The following SEMA5B variants were observed in gnomAD, a reference collection of about 807,000 sequenced individuals.
SEMA5B encodes the protein semaphorin-5B.
Under a neutral mutation model 135.0 loss-of-function variants are expected in SEMA5B, and 66 were observed. The observed-to-expected ratio is 0.49, with a 90% CI of 0.40 to 0.60. The LOEUF (loss-of-function observed/expected upper bound fraction) is 0.60, where lower values mean the gene tolerates loss of function less well. SEMA5B is among the 20% of genes least tolerant of loss of function. The probability of loss-of-function intolerance (pLI) is 0.00; values close to 1 mark genes in which losing one functional copy is unlikely to be tolerated. For synonymous variants in SEMA5B, 690 were observed against 639.5 expected (o/e 1.08, Z -1.19); for missense variants, 1,501 against 1,566.3 (o/e 0.96, Z 0.70).
At chr3:122,965,898 G>A (rs1226827940) in intron 1 of SEMA5B, among the ~76,000 whole-genome samples, 7 of 152,210 alleles carry the variant, frequency 4.6e-5, no homozygotes, top group Admixed American at 2.6e-4. Flanking sequence ...TGAGATGGGA[G>A]CTCTGAGGGA....
intron 1 of SEMA5B, among the ~76,000 whole-genome samples, chr3:122,968,679 G>C (rs1452408390): frequency 1.3e-5 from 2 of 152,174 alleles, no homozygotes; most frequent in African/African-American, 4.8e-5. Flanking sequence ...AGGTCATCCT[G>C]TCCATCCTCC....
intron 1 of SEMA5B, among the ~76,000 whole-genome samples, 182 bp from the exon 2 acceptor site, chr3:122,961,483 G>A (rs4677986): frequency 0.54 from 81,910 of 151,018 alleles, 22,931 homozygotes; most frequent in East Asian, 0.72. Context: ...TTTTTTAGGC[G>A]GGGTCTTGCT....
intron 9 of SEMA5B, among the ~76,000 whole-genome samples, chr3:122,925,496 A>G (rs1008438429): frequency 6.6e-6 from 1 of 151,826 alleles, no homozygotes; most frequent in Non-Finnish European, 1.5e-5. Context: ...GTGAAACCCC[A>G]TCTCTACTAA....
intron 1 of SEMA5B, among the ~76,000 whole-genome samples, chr3:122,967,209 CT>C (rs1940893732): frequency 6.6e-6 from 1 of 152,042 alleles, no homozygotes; most frequent in African/African-American, 2.4e-5. Flanking sequence ...TATAATAAGC[CT>C]TTAAATGTGA....
At chr3:122,914,656 G>A (rs1937966836) in intron 14 of SEMA5B, among the ~76,000 whole-genome samples, 1 of 152,224 alleles carries the variant, frequency 6.6e-6, no homozygotes, top group Non-Finnish European at 1.5e-5. Flanking sequence ...GTCCAAGGCT[G>A]GGTGTGGTGG....
At chr3:122,945,967 G>A (rs902765538) in intron 3 of SEMA5B, among the ~76,000 whole-genome samples, 1 of 152,066 alleles carries the variant, frequency 6.6e-6, no homozygotes, top group Non-Finnish European at 1.5e-5. Flanking sequence ...ATCCTAGGGG[G>A]GCCTTGGGAA....
rs763951830 is a variant in SEMA5B at position 122,913,266 on chromosome 3, C to T, written c.2439G>A (p.Gln813=). The T allele has an allele frequency of 2.9e-5, 46 of 1,585,328 alleles. No individual in the cohort carries two copies. The South Asian group carries it at 4.3e-4, about 15-fold the overall frequency. Residue 813 remains glutamine (Q), a synonymous_variant, in exon 17 of 23, where the codon CAG becomes CAA. Transcript: ENST00000357599. ...RAPLADPHGL[Q]FGRRRTETRT... ...TCGTCTCGGTCCTTCTCCTGCCGAA[C>T]TGCAGGCCGTGCGGGTCTGCAAGGG...
In SEMA5B at chr3:122,932,319, T is replaced by C. The variant is rs192435746; in HGVS notation, c.475-3261A>G. On this transcript the variant is annotated intron_variant, in intron 5 of 22. Coordinates refer to ENST00000357599, the MANE Select transcript of SEMA5B (RefSeq NM_001031702.4). ...CCCAGGCTGGAGTACAGTGACACAA[T>C]CATGGCTCACTGCGGCCTCAACCTC... Among the ~76,000 whole-genome samples the C allele has an allele frequency of 2.3e-4, 29 of 127,090 alleles. No individual in the cohort carries two copies. In the East Asian group the frequency reaches 8.0e-3, roughly 35 times the overall value. 83.4% of individuals were successfully genotyped at this position (127,090 alleles called of 152,430 possible).
At chr3:123,006,375 A>C (rs1463344031) in intron 1 of SEMA5B, among the ~76,000 whole-genome samples, 1 of 152,208 alleles carries the variant, frequency 6.6e-6, no homozygotes, top group African/African-American at 2.4e-5. Flanking sequence ...AATGCTCCCC[A>C]AATAGTGGCC....
Position 122,939,440 on chromosome 3 carries a change from A to C in SEMA5B, c.459T>G (p.Asn153Lys), listed in dbSNP as rs1234719620. 6 of 1,612,354 alleles carry C rather than the reference A, an allele frequency of 3.7e-6. No homozygotes were observed. The East Asian group carries it at 1.3e-4, about 36-fold the overall frequency. Residue 153 changes from asparagine to lysine, a missense_variant, in exon 5 of 23, where the codon AAT becomes AAG. This residue lies in a region of SEMA5B where 574 missense variants were observed against 684.7 expected (regional missense o/e 0.84). Coordinates refer to ENST00000357599, the MANE Select transcript of SEMA5B (RefSeq NM_001031702.4). Reference sequence around the variant, plus strand: ...GCAATCGTACCTGAAGAAGAGAGACATTGGCAAGGCTGAGTCTGAAGAGGT... The same window carrying C: ...GCAATCGTACCTGAAGAAGAGAGACCTTGGCAAGGCTGAGTCTGAAGAGGT... ...RNYLFRLSLANVSLLQATEWA... is the reference protein window; with the variant it reads ...RNYLFRLSLAKVSLLQATEWA...
At chr3:122,953,161 T>A (rs2107572085) in intron 2 of SEMA5B, among the ~76,000 whole-genome samples, 1 of 152,300 alleles carries the variant, frequency 6.6e-6, no homozygotes, top group Non-Finnish European at 1.5e-5. Flanking sequence ...TTTTCTCTTG[T>A]CAGCCCCTAA....
chr3:122,990,728 G>T (rs1396759719), intron 1 of SEMA5B, among the ~76,000 whole-genome samples: 1 of 152,062 alleles, frequency 6.6e-6, no homozygotes, highest in East Asian at 1.9e-4. Context: ...GACCCCACAG[G>T]GGTTCTGATA....
chr3:122,910,951 G>T lies in SEMA5B; in HGVS notation c.3186C>A (p.Cys1062Ter). The change falls in exon 22 of 23, where the codon TGC (cysteine) becomes TGA (stop). Residue 1062 changes from cysteine (C) to a stop codon, truncating the protein, a stop_gained. Transcript: ENST00000357599. LOFTEE classifies it high-confidence loss of function. ...TLAVYLSCQH[C>*]QRQSQESTLV... ...GTGTGGACTCCTGGGACTGACGCTG[G>T]CAGTGCTGGCAAGACAGGTACACTG... The T allele has an allele frequency of 6.2e-7, 1 of 1,613,932 alleles. No individual in the cohort carries two copies. Among genetic ancestry groups the T allele is most frequent in the Non-Finnish European group, 8.5e-7 (1 of 1,180,002 alleles).
At chr3:122,928,706 C>G (rs898577190) in intron 6 of SEMA5B, 91 bp from the exon 7 acceptor site, 3 of 999,936 alleles carry the variant, frequency 3.0e-6, no homozygotes, top group Non-Finnish European at 4.5e-6. Context: ...TGGATGCCAA[C>G]AAGTATTCTA....
intron 1 of SEMA5B, among the ~76,000 whole-genome samples, chr3:122,966,566 A>ATTT (rs1553778673): frequency 1.7e-5 from 2 of 115,884 alleles, no homozygotes; most frequent in Non-Finnish European, 3.8e-5. Flanking sequence ...TATTATTATT[A>ATTT]TTTTTTGAGA....
In SEMA5B at chr3:122,912,202, C is replaced by A. The variant is rs1242267499; in HGVS notation, c.2866G>T (p.Glu956Ter). ...EDICLGLHTE[E>*]ALCATQACPE... ...CAGGCCTGTGTGGCACATAGTGCCT[C>A]CTCCGTGTGCAGCCCGAGACAGATG... The change falls in exon 19 of 23, where the codon GAG (glutamate) becomes TAG (stop). Residue 956 changes from glutamate to a stop codon, truncating the protein, a stop_gained. Transcript: ENST00000357599. LOFTEE classifies it high-confidence loss of function. 2 of 1,600,816 alleles carry A rather than the reference C, an allele frequency of 1.2e-6. No homozygotes were observed. Among genetic ancestry groups the A allele is most frequent in the African/African-American group, 1.3e-5 (1 of 74,812 alleles).
chr3:122,922,498 A>C (rs1211103727), intron 10 of SEMA5B, 51 bp from the exon 11 acceptor site: 1 of 1,512,330 alleles, frequency 6.6e-7, no homozygotes, highest in Non-Finnish European at 8.9e-7. Context: ...GGCTGCCGCC[A>C]TCCCCCGCCG....
At chr3:122,941,981 A>G (rs1050757004) in intron 4 of SEMA5B, among the ~76,000 whole-genome samples, 3 of 152,172 alleles carry the variant, frequency 2.0e-5, no homozygotes, top group East Asian at 1.9e-4. Flanking sequence ...TTGCATATGG[A>G]CAGACTCCCT....
intron 1 of SEMA5B, 95 bp from the exon 2 acceptor site, chr3:122,961,396 A>T: frequency 1.8e-6 from 2 of 1,083,020 alleles, no homozygotes; most frequent in East Asian, 2.6e-5. Context: ...CAGGGACCAC[A>T]TGGTTGCTGC....
Sources: allele counts gnomAD v4.1 joint callset (sites outside exome capture counted in the v4.1 genomes callset), GRCh38; gene constraint gnomAD v4.1.1; regional missense constraint gnomAD v4.1.1; transcripts MANE v1.5; gene names NCBI Gene and HGNC (gene_info 2026-07-23, HGNC 2026-07-21).